The following ZSWIM6 variants were observed in gnomAD, a reference collection of about 807,000 sequenced individuals.
ZSWIM6 encodes the protein zinc finger SWIM-type containing 6.
A neutral mutation model predicts 113.2 loss-of-function variants in ZSWIM6; 9 were observed. That is an observed-to-expected ratio of 0.08 (90% CI 0.05 to 0.14). ZSWIM6 has a LOEUF of 0.14. ZSWIM6 is among the 10% of genes least tolerant of loss of function. ZSWIM6 has a pLI of 1.00. For synonymous variants in ZSWIM6, 611 were observed against 606.5 expected, an observed-to-expected ratio of 1.01 and a Z score of -0.11; for missense variants, 1,162 against 1,552.2, an observed-to-expected ratio of 0.75 and a Z score of 4.22.
intron 1 of ZSWIM6, among the ~76,000 whole-genome samples, chr5:61,396,245 G>GT (rs903934899): frequency 1.3e-5 from 2 of 152,036 alleles, no homozygotes; most frequent in Non-Finnish European, 1.5e-5. Context: ...AGAATTGAAT[G>GT]TTTTTTGGCC....
At chr5:61,363,261 A>G (rs540261523) in intron 1 of ZSWIM6, among the ~76,000 whole-genome samples, 1 of 152,376 alleles carries the variant, frequency 6.6e-6, no homozygotes, top group East Asian at 1.9e-4. Context: ...TATCCATACA[A>G]GAATGATTAC....
intron 1 of ZSWIM6, chr5:61,391,587 G>T (rs1454406992): frequency 8.8e-6 from 8 of 906,272 alleles, no homozygotes; most frequent in Admixed American, 1.7e-5. Context: ...GGCCTCGAGG[G>T]GTTTCCACGA....
intron 1 of ZSWIM6, among the ~76,000 whole-genome samples, chr5:61,367,369 A>C (rs1385453051): frequency 6.6e-6 from 1 of 151,306 alleles, no homozygotes; most frequent in South Asian, 2.1e-4. Context: ...GATCCTCCCA[A>C]CTCAGCCTCC....
intron 1 of ZSWIM6, among the ~76,000 whole-genome samples, chr5:61,356,723 TA>T (rs1360800649): frequency 5.4e-4 from 41 of 75,302 alleles, no homozygotes; most frequent in African/African-American, 8.0e-4. Context: ...ATATATAACA[TA>T]ATATATAATA....
At chr5:61,511,063 T>G (rs573711843) in intron 4 of ZSWIM6, among the ~76,000 whole-genome samples, 1 of 152,274 alleles carries the variant, frequency 6.6e-6, no homozygotes, top group South Asian at 2.1e-4. Flanking sequence ...ACTTGCTCAA[T>G]TTGGTTAACT....
At chr5:61,432,654 T>A (rs1486544128) in intron 1 of ZSWIM6, among the ~76,000 whole-genome samples, 1 of 152,240 alleles carries the variant, frequency 6.6e-6, no homozygotes, top group Non-Finnish European at 1.5e-5. Flanking sequence ...GTGAGGCACC[T>A]ATGAGATAAT....
At chr5:61,534,517 T>C (rs1295060933) in intron 9 of ZSWIM6, among the ~76,000 whole-genome samples, 2 of 152,194 alleles carry the variant, frequency 1.3e-5, no homozygotes, top group Non-Finnish European at 2.9e-5. Context: ...GCATGTCCTC[T>C]GAGCAGTGGT....
Position 61,544,117 on chromosome 5 carries a change from A to G in ZSWIM6, c.3448A>G (p.Ile1150Val). 1 of 1,551,874 alleles carries G rather than the reference A, an allele frequency of 6.4e-7. No homozygotes were observed. Among genetic ancestry groups the G allele is most frequent in the Non-Finnish European group, 8.7e-7 (1 of 1,147,020 alleles). ...CTTGGATGCCACGATCGGGGCCTACATCAACACAACGCACTCACGGCTCAC... is the reference window on the plus strand; with the variant it reads ...CTTGGATGCCACGATCGGGGCCTACGTCAACACAACGCACTCACGGCTCAC... ...QLLDATIGAY[I>V]NTTHSRLTHI... Residue 1150 changes from isoleucine to valine, a missense_variant, in exon 14 of 14, where the codon ATC becomes GTC. Ile to Val is a conservative substitution (Grantham distance 29). This residue lies in a region of ZSWIM6 where 113 missense variants were observed against 213.8 expected (regional missense o/e 0.53). Coordinates refer to ENST00000252744, the MANE Select transcript of ZSWIM6 (RefSeq NM_020928.2).
In ZSWIM6 at chr5:61,461,136, G is replaced by A. The variant is rs186666903; in HGVS notation, c.677-11545G>A. On this transcript the variant is annotated intron_variant, in intron 1 of 13. Coordinates refer to ENST00000252744, the MANE Select transcript of ZSWIM6 (RefSeq NM_020928.2). Reference sequence around the variant, plus strand: ...TGCCAGTGACACAAATGTGACTGCAGCTATTGTCATATTTATCCTTTCTCT... The same window carrying A: ...TGCCAGTGACACAAATGTGACTGCAACTATTGTCATATTTATCCTTTCTCT... Among the ~76,000 whole-genome samples, 25 of 152,284 alleles carry A rather than the reference G, an allele frequency of 1.6e-4. No homozygotes were observed. The East Asian group carries it at 4.4e-3, about 27-fold the overall frequency.
intron 1 of ZSWIM6, among the ~76,000 whole-genome samples, chr5:61,382,172 T>G (rs1579965644): frequency 6.6e-6 from 1 of 152,190 alleles, no homozygotes; most frequent in East Asian, 1.9e-4. Context: ...TGCATGCCGA[T>G]TCTCTCCACA....
chr5:61,498,243 T>C (rs2112225601), intron 4 of ZSWIM6, among the ~76,000 whole-genome samples: 1 of 152,326 alleles, frequency 6.6e-6, no homozygotes, highest in African/African-American at 2.4e-5. Context: ...AATATGTTTT[T>C]CCCCAAGTTT....
chr5:61,352,664 T>C (rs1744816297), intron 1 of ZSWIM6, among the ~76,000 whole-genome samples: 1 of 152,256 alleles, frequency 6.6e-6, no homozygotes, highest in Non-Finnish European at 1.5e-5. Flanking sequence ...GGCACTTTCT[T>C]AGAATCTGAG....
At chr5:61,432,297 C>T (rs545728530) in intron 1 of ZSWIM6, among the ~76,000 whole-genome samples, 9 of 152,262 alleles carry the variant, frequency 5.9e-5, no homozygotes, top group African/African-American at 7.2e-5. Context: ...CTGTGCAAAA[C>T]GAACTGCAGG....
At chr5:61,347,336 G>T in intron 1 of ZSWIM6, 1 of 176,734 alleles carries the variant, frequency 5.7e-6, no homozygotes, top group South Asian at 1.6e-4. Flanking sequence ...CCAAGTGGTT[G>T]ATCATGGAGA....
At chr5:61,461,571 C>T (rs1747324625) in intron 1 of ZSWIM6, among the ~76,000 whole-genome samples, 1 of 152,064 alleles carries the variant, frequency 6.6e-6, no homozygotes, top group African/African-American at 2.4e-5. Context: ...TTTGGAGTGC[C>T]CTGTTGCTAT....
intron 1 of ZSWIM6, among the ~76,000 whole-genome samples, chr5:61,462,631 A>C (rs1456212864): frequency 6.6e-6 from 1 of 152,218 alleles, no homozygotes; most frequent in African/African-American, 2.4e-5. Context: ...CACTTACACT[A>C]ACGGGCTAGG....
At chr5:61,453,378 C>CTTTTTTTTTT (rs60097146) in intron 1 of ZSWIM6, among the ~76,000 whole-genome samples, 1 of 135,900 alleles carries the variant, frequency 7.4e-6, no homozygotes. Flanking sequence ...CTCTCTCTCT[C>CTTTTTTTTTT]TTTTTTTTTT....
At chr5:61,364,184 A>G (rs1423403674) in intron 1 of ZSWIM6, among the ~76,000 whole-genome samples, 3 of 152,078 alleles carry the variant, frequency 2.0e-5, no homozygotes, top group African/African-American at 7.2e-5. Flanking sequence ...AGCTGGGACT[A>G]CAGGCACGCA....
intron 1 of ZSWIM6, among the ~76,000 whole-genome samples, chr5:61,357,856 A>G (rs1744947373): frequency 1.3e-5 from 2 of 152,138 alleles, no homozygotes; most frequent in East Asian, 3.9e-4. Context: ...CTTACCTTAC[A>G]CCTTTGAAGG....
Sources: gnomAD v4.1 joint callset for allele counts (sites outside exome capture counted in the v4.1 genomes callset) on GRCh38, gnomAD v4.1.1 for gene constraint, gnomAD v4.1.1 regional missense constraint, MANE v1.5 for transcripts, NCBI Gene and HGNC (gene_info 2026-07-23, HGNC 2026-07-21) for gene names.